The following TMC2 variants were observed in gnomAD, a reference collection of about 807,000 sequenced individuals.
TMC2 encodes transmembrane channel-like protein 2.
In TMC2, 102 loss-of-function variants were observed where a neutral mutation model predicts 105.9. That is an observed-to-expected ratio of 0.96 (90% CI 0.82 to 1.14). TMC2 has a LOEUF of 1.14. TMC2 is among the 50% of genes most tolerant of loss of function. The pLI is 0.00. For synonymous variants in TMC2, 402 were observed against 422.8 expected (o/e 0.95, Z 0.60); for missense variants, 1,093 against 1,134.3 (o/e 0.96, Z 0.52).
In TMC2 at chr20:2,580,984, G is replaced by A. The variant is rs1448733595; in HGVS notation, c.834+928G>A. ...AGTCCTGACTGAAATCCTTGATGCT[G>A]GTGCTGGGTACACAAGTGGGTCTAC... On this transcript the variant is annotated intron_variant, in intron 7 of 19. Transcript: ENST00000358864. Among the ~76,000 whole-genome samples, 2 of 152,142 alleles carry A rather than the reference G, an allele frequency of 1.3e-5. 1 individual carries two copies. Among genetic ancestry groups the A allele is most frequent in the Admixed American group, 1.3e-4 (2 of 15,288 alleles).
intron 5 of TMC2, among the ~76,000 whole-genome samples, chr20:2,578,397 T>G (rs1200350076): frequency 1.3e-5 from 2 of 152,234 alleles, no homozygotes; most frequent in Non-Finnish European, 2.9e-5. Flanking sequence ...CTATGAGTAT[T>G]TCTACCTCAG....
rs2086273174 is a variant in TMC2, at chr20:2,592,127, G to A, written c.835-183G>A. 6.6e-6 allele frequency among the ~76,000 whole-genome samples: 1 copy of A among 152,184 alleles called. No homozygotes were observed. The highest frequency in any genetic ancestry group is 2.4e-5 in the African/African-American group (1 of 41,420). On this transcript the variant is annotated intron_variant, in intron 7 of 19. Coordinates refer to ENST00000358864, the MANE Select transcript of TMC2 (RefSeq NM_080751.3). The surrounding 1 kb of genome is among the most constrained non-coding windows in gnomAD (Gnocchi z 4.9). ...AGACTGTGCTATTGCACTCCAGCCTGGGTGACAAGAGTGAAACTCCATCTC... is the reference window on the plus strand; with the variant it reads ...AGACTGTGCTATTGCACTCCAGCCTAGGTGACAAGAGTGAAACTCCATCTC...
chr20:2,621,376 A>C (rs901068060), intron 16 of TMC2, among the ~76,000 whole-genome samples: 40 of 151,330 alleles, frequency 2.6e-4, no homozygotes, highest in Non-Finnish European at 4.6e-4. Context: ...ACAACAAAAA[A>C]AAAAAAAAAG....
At chr20:2,560,306 C>T (rs1408809694) in intron 3 of TMC2, among the ~76,000 whole-genome samples, 1 of 152,068 alleles carries the variant, frequency 6.6e-6, no homozygotes, top group Non-Finnish European at 1.5e-5. Context: ...GGCTTTTCAA[C>T]CTTCAAGGGC....
At chr20:2,623,801 A>G (rs978178393) in intron 16 of TMC2, among the ~76,000 whole-genome samples, 2 of 152,178 alleles carry the variant, frequency 1.3e-5, no homozygotes, top group African/African-American at 4.8e-5. Flanking sequence ...GTGATCCAAT[A>G]TCTCCTAGAC....
At chr20:2,620,286 T>C (rs2086515794) in intron 16 of TMC2, among the ~76,000 whole-genome samples, 1 of 152,214 alleles carries the variant, frequency 6.6e-6, no homozygotes, top group African/African-American at 2.4e-5. Flanking sequence ...CAGCCTTATC[T>C]AGATTGCAAA....
chr20:2,547,544 T>C (rs1052971020), intron 2 of TMC2, among the ~76,000 whole-genome samples: 1 of 152,244 alleles, frequency 6.6e-6, no homozygotes, highest in Non-Finnish European at 1.5e-5. Context: ...TAATTGTTTC[T>C]GGCACCTGTA....
At chr20:2,547,651 A>G (rs1305725046) in intron 2 of TMC2, among the ~76,000 whole-genome samples, 1 of 152,234 alleles carries the variant, frequency 6.6e-6, no homozygotes, top group Non-Finnish European at 1.5e-5. Context: ...TCTGAAAGGT[A>G]TTTAACTTCA....
chr20:2,558,721 G>A lies in TMC2; in HGVS notation c.348G>A (p.Arg116=). The A allele has an allele frequency of 6.3e-7, 1 of 1,591,508 alleles. No homozygotes were observed. The highest frequency in any genetic ancestry group is 8.6e-7 in the Non-Finnish European group (1 of 1,169,296). The part of the protein sequence containing the change: ...SFQERTAAPK[R]EKEIPRREEK... Reference sequence around the variant, plus strand: ...AGGAGCGGACAGCAGCCCCAAAGAGGGAAAAGGAGATTCCGAGGAGGGAGG... The same window carrying A: ...AGGAGCGGACAGCAGCCCCAAAGAGAGAAAAGGAGATTCCGAGGAGGGAGG... The change falls in exon 3 of 20, where the codon AGG becomes AGA. Residue 116 remains arginine (R), a synonymous_variant. Coordinates refer to ENST00000358864, the MANE Select transcript of TMC2 (RefSeq NM_080751.3). The surrounding 1 kb of genome is among the most constrained non-coding windows in gnomAD (Gnocchi z 4.6).
intron 17 of TMC2, among the ~76,000 whole-genome samples, chr20:2,631,070 G>A (rs1042876149): frequency 3.3e-4 from 50 of 152,092 alleles, no homozygotes; most frequent in African/African-American, 1.2e-3. Flanking sequence ...TAGTTCCCAC[G>A]TCATTTCTCT....
At chr20:2,578,022 T>C (rs568258485) in intron 5 of TMC2, among the ~76,000 whole-genome samples, 1 of 152,212 alleles carries the variant, frequency 6.6e-6, no homozygotes, top group East Asian at 1.9e-4. Context: ...GAGGAGACCT[T>C]TTAATAATAG....
At chr20:2,631,240 C>A (rs1285368173) in intron 17 of TMC2, among the ~76,000 whole-genome samples, 1 of 152,164 alleles carries the variant, frequency 6.6e-6, no homozygotes, top group East Asian at 1.9e-4. Context: ...GTTGTTTCTG[C>A]CACACAAATT....
At chr20:2,564,491 A>C (rs2086050713) in intron 4 of TMC2, among the ~76,000 whole-genome samples, 1 of 152,044 alleles carries the variant, frequency 6.6e-6, no homozygotes, top group Non-Finnish European at 1.5e-5. Context: ...TGCTCCCTCC[A>C]AGCTGGGCTC....
At position 2,605,162 on chromosome 20, in the gene TMC2, C is replaced by T. The variant is rs144656179; in HGVS notation, c.1413+2861C>T. ...TTGAATTGAATTGAATTTTACGCTA[C>T]GCAGCTGGTATCAGAAAATTGGTTG... is the stretch of plus-strand genomic sequence containing the variant. On this transcript the variant is annotated intron_variant, in intron 11 of 19. Coordinates refer to ENST00000358864, the MANE Select transcript of TMC2 (RefSeq NM_080751.3). Among the ~76,000 whole-genome samples, 499 of 152,162 alleles carry T rather than the reference C, an allele frequency of 3.3e-3. 2 individuals are homozygous for T. The highest frequency in any genetic ancestry group is 6.0e-3 in the Non-Finnish European group (407 of 68,018).
chr20:2,545,890 AT>A (rs1411972305), intron 2 of TMC2, among the ~76,000 whole-genome samples: 7,775 of 115,192 alleles, frequency 0.067, 249 homozygotes, highest in East Asian at 0.1. Context: ...AAAGAAAGAA[AT>A]GAAAGAAAGA....
At chr20:2,612,030 A>G (rs2086443876) in intron 12 of TMC2, among the ~76,000 whole-genome samples, 161 bp from the exon 13 acceptor site, 1 of 152,162 alleles carries the variant, frequency 6.6e-6, no homozygotes, top group Admixed American at 6.5e-5. Flanking sequence ...TCTCCTGTAC[A>G]TATTGAAAGC....
intron 2 of TMC2, among the ~76,000 whole-genome samples, chr20:2,550,481 C>T (rs1015576315): frequency 6.6e-6 from 1 of 152,172 alleles, no homozygotes; most frequent in Admixed American, 6.6e-5. Flanking sequence ...TGGGCCAATA[C>T]GGATACATTA....
intron 16 of TMC2, among the ~76,000 whole-genome samples, chr20:2,621,674 T>C (rs1179987100): frequency 6.6e-6 from 1 of 152,028 alleles, no homozygotes; most frequent in Non-Finnish European, 1.5e-5. Context: ...TCTCAAAAAA[T>C]AAAAAATAAA....
At chr20:2,590,459 TC>T (rs1169100112) in intron 7 of TMC2, among the ~76,000 whole-genome samples, 2 of 151,472 alleles carry the variant, frequency 1.3e-5, no homozygotes, top group Non-Finnish European at 2.9e-5. Context: ...TATAACATAT[TC>T]CCCAATAAGA....
Sources: gnomAD v4.1 joint callset for allele counts (sites outside exome capture counted in the v4.1 genomes callset) on GRCh38, gnomAD v4.1.1 for gene constraint, Gnocchi (gnomAD v3.1) non-coding constraint, MANE v1.5 for transcripts, NCBI Gene and HGNC (gene_info 2026-07-23, HGNC 2026-07-21) for gene names.